Variants in COLEC10 observed in about 807,000 individuals in gnomAD.
COLEC10 encodes collectin-10.
COLEC10 carries 22 observed loss-of-function variants against 28.4 expected under a neutral mutation model. That is an observed-to-expected ratio of 0.78 (90% CI 0.55 to 1.11). The LOEUF is 1.11. Ranked by LOEUF, COLEC10 falls within the 50% of genes least tolerant of loss-of-function variation. The pLI is 0.00. For synonymous variants in COLEC10, 125 were observed against 116.1 expected (o/e 1.08, Z -0.49); for missense variants, 361 against 344.1 (o/e 1.05, Z -0.39).
intron 2 of COLEC10, among the ~76,000 whole-genome samples, chr8:119,030,767 T>C (rs373608953): frequency 1.9e-4 from 29 of 152,324 alleles, no homozygotes; most frequent in Middle Eastern, 3.4e-3. Context: ...TTAATAACTT[T>C]CCATAAAACG....
chr8:118,963,478 A>G, the COLEC10 span, among the ~76,000 whole-genome samples: 1 of 152,198 alleles, frequency 6.6e-6, no homozygotes, highest in Admixed American at 6.5e-5. Flanking sequence ...CTCTCTCGAC[A>G]CAACCTGTCT....
rs182141021 is a variant in COLEC10 at position 119,041,308 on chromosome 8, C to G, written n.235+31755C>G. 2.3e-3 allele frequency among the ~76,000 whole-genome samples: 353 copies of G among 151,742 alleles called. 1 individual carries two copies. The highest frequency in any genetic ancestry group is 3.6e-3 in the Non-Finnish European group (246 of 67,942). ...TGATCCCTAATGGTACCATTTGATT[C>G]TGGAAGAAAAACCTTACCTGAAGTT... On this transcript the variant is annotated intron_variant and non_coding_transcript_variant, in intron 2 of 6. Coordinates refer to the COLEC10 transcript ENST00000521788.
chr8:118,957,651 A>G, the COLEC10 span, among the ~76,000 whole-genome samples: 2 of 152,244 alleles, frequency 1.3e-5, no homozygotes, highest in African/African-American at 4.8e-5. Flanking sequence ...CATTTGACAT[A>G]CATGCTAACA....
the COLEC10 span, among the ~76,000 whole-genome samples, chr8:118,952,550 C>G: frequency 6.6e-6 from 1 of 152,206 alleles, no homozygotes; most frequent in Admixed American, 6.5e-5. Flanking sequence ...TAACTAATGT[C>G]TGATTGGCCC....
chr8:119,039,465 T>C (rs1814454445), intron 2 of COLEC10, among the ~76,000 whole-genome samples: 1 of 152,196 alleles, frequency 6.6e-6, no homozygotes, highest in South Asian at 2.1e-4. Context: ...TTGACAACAC[T>C]GTGCCAGTGT....
chr8:118,987,819 C>T, the COLEC10 span, among the ~76,000 whole-genome samples: 9 of 151,996 alleles, frequency 5.9e-5, no homozygotes, highest in East Asian at 1.9e-4. Context: ...TAAAAATCTT[C>T]GATGTGTTTT....
chr8:119,042,905 C>T (rs1814523736), intron 2 of COLEC10, among the ~76,000 whole-genome samples: 1 of 152,016 alleles, frequency 6.6e-6, no homozygotes, highest in Admixed American at 6.6e-5. Flanking sequence ...AAGAATGTGT[C>T]ACAGGAATCA....
At chr8:119,006,533 G>T (rs959442677) in intron 1 of COLEC10, among the ~76,000 whole-genome samples, 2 of 152,008 alleles carry the variant, frequency 1.3e-5, no homozygotes, top group African/African-American at 4.8e-5. Context: ...AATACTTACA[G>T]CACTTAACAA....
chr8:118,980,172 C>T, the COLEC10 span, among the ~76,000 whole-genome samples: 84 of 151,040 alleles, frequency 5.6e-4, 1 homozygote, highest in Non-Finnish European at 5.9e-5. Context: ...TAAAGATCAT[C>T]GGGAGATCTT....
chr8:118,976,309 A>G, the COLEC10 span, among the ~76,000 whole-genome samples: 1 of 152,036 alleles, frequency 6.6e-6, no homozygotes, highest in East Asian at 1.9e-4. Flanking sequence ...ACTCTTTCTA[A>G]GCCTGCATCC....
upstream of COLEC10, among the ~76,000 whole-genome samples, chr8:118,990,704 G>A (rs1364475778): frequency 6.6e-6 from 1 of 151,988 alleles, no homozygotes; most frequent in Non-Finnish European, 1.5e-5. Context: ...GCCTACTCCT[G>A]TACCACAAGT....
rs555457969 is a variant in COLEC10, at chr8:119,105,716, A to T, written c.443-84A>T. On this transcript the variant is annotated intron_variant, in intron 5 of 5. Transcript: ENST00000332843. ...TAATTCTTGAATATTGAATAAATAAATGTAAATCTGGCAATATCATATAAT... is the reference window on the plus strand; with the variant it reads ...TAATTCTTGAATATTGAATAAATAATTGTAAATCTGGCAATATCATATAAT... The T allele has an allele frequency of 1.7e-5, 20 of 1,204,078 alleles. No homozygotes were observed. The South Asian group carries it at 3.0e-4, about 18-fold the overall frequency. 74.6% of individuals were successfully genotyped at this position (1,204,078 alleles called of 1,614,324 possible).
intron 1 of COLEC10, among the ~76,000 whole-genome samples, chr8:119,075,326 C>T (rs1414693806): frequency 6.6e-6 from 1 of 152,114 alleles, no homozygotes; most frequent in African/African-American, 2.4e-5. Flanking sequence ...TGTTTTTTTG[C>T]ATTATGCATT....
the COLEC10 span, among the ~76,000 whole-genome samples, chr8:118,973,727 T>A: frequency 6.6e-6 from 1 of 152,050 alleles, no homozygotes; most frequent in Non-Finnish European, 1.5e-5. Flanking sequence ...CAGGAATCAT[T>A]GAGAAGTTCC....
chr8:119,092,796 C>T (rs1406335900), intron 3 of COLEC10, among the ~76,000 whole-genome samples: 1 of 152,046 alleles, frequency 6.6e-6, no homozygotes. Context: ...ATCCCCACTA[C>T]TGGGGAGGCT....
intron 1 of COLEC10, among the ~76,000 whole-genome samples, chr8:119,085,599 C>CTTCTTTTTTTTTTTTTTTTTTT (rs1563739053): frequency 3.1e-5 from 2 of 63,554 alleles, no homozygotes; most frequent in African/African-American, 9.6e-5. Context: ...TCTTCTTCTT[C>CTTCTTTTTTTTTTTTTTTTTTT]TTTTTTTTTT....
chr8:119,057,715 A>G (rs987027556), intron 2 of COLEC10, among the ~76,000 whole-genome samples: 2 of 152,106 alleles, frequency 1.3e-5, no homozygotes, highest in Non-Finnish European at 1.5e-5. Flanking sequence ...ACACATATCT[A>G]TCATTCAAGC....
intron 2 of COLEC10, among the ~76,000 whole-genome samples, chr8:119,045,264 C>T (rs1226196677): frequency 6.6e-6 from 1 of 152,188 alleles, no homozygotes; most frequent in Non-Finnish European, 1.5e-5. Context: ...CTGGCTCAGA[C>T]AAATGTCACT....
chr8:119,075,103 C>G (rs1815201520), intron 1 of COLEC10, among the ~76,000 whole-genome samples: 1 of 152,174 alleles, frequency 6.6e-6, no homozygotes, highest in African/African-American at 2.4e-5. Flanking sequence ...GAAACTTTTC[C>G]TTTAGCTACT....
Sources: gnomAD v4.1 joint callset for allele counts (sites outside exome capture counted in the v4.1 genomes callset) on GRCh38, gnomAD v4.1.1 for gene constraint, MANE v1.5 for transcripts, NCBI Gene and HGNC (gene_info 2026-07-23, HGNC 2026-07-21) for gene names.